CRCP: variants seen among roughly 807,000 people sequenced by gnomAD.
CRCP encodes the protein DNA-directed RNA polymerase III subunit RPC9.
Under a neutral mutation model 18.5 loss-of-function variants are expected in CRCP, and 18 were observed. That is an observed-to-expected ratio of 0.97 (90% confidence interval 0.67 to 1.44). The LOEUF (loss-of-function observed/expected upper bound fraction) is 1.44. Among genes scored for constraint, CRCP ranks in the 40% most tolerant of loss-of-function variants. The pLI is 0.00. For synonymous variants in CRCP, 53 were observed against 62.9 expected (o/e 0.84, Z 0.75); for missense variants, 130 against 176.4 (o/e 0.74, Z 1.49).
chr7:66,152,749 A>C lies in CRCP; in HGVS notation c.*392A>C, dbSNP rs948635302. 1 of 185,710 alleles carries C rather than the reference A, an allele frequency of 5.4e-6. No homozygotes were observed. The highest frequency in any genetic ancestry group is 2.4e-5 in the African/African-American group (1 of 42,256). The allele number at this position is 185,710 out of a possible 1,614,324, so 11.5% of individuals were successfully genotyped here. On this transcript the variant is annotated 3_prime_UTR_variant, in exon 6 of 6. Transcript: ENST00000395326. ...TCCCTGGGAACTTACTAAGGGGCCC[A>C]GAGCACTGTTGGAAGTCTGGTTAGA...
chr7:66,139,473 T>C (rs1232847332), intron 4 of CRCP, among the ~76,000 whole-genome samples: 1 of 152,236 alleles, frequency 6.6e-6, no homozygotes, highest in African/African-American at 2.4e-5. Context: ...CATCTGTTGA[T>C]TATCTTTTCC....
intron 4 of CRCP, among the ~76,000 whole-genome samples, chr7:66,141,020 T>A (rs146895078): frequency 2.3e-3 from 344 of 152,312 alleles, no homozygotes; most frequent in Admixed American, 3.4e-3. Flanking sequence ...GAAGATTTTT[T>A]AAAATCTTTT....
chr7:66,141,684 A>C (rs1408015988), intron 4 of CRCP, among the ~76,000 whole-genome samples: 1 of 152,192 alleles, frequency 6.6e-6, no homozygotes, highest in Non-Finnish European at 1.5e-5. Context: ...TGTCAGATGG[A>C]GTAGGACCGA....
chr7:66,139,566 G>A (rs1028193532), intron 4 of CRCP, among the ~76,000 whole-genome samples: 3 of 152,172 alleles, frequency 2.0e-5, no homozygotes, highest in Non-Finnish European at 2.9e-5. Flanking sequence ...TTTAGACTCT[G>A]GGTCCTGTTA....
chr7:66,115,609 T>C (rs898876481), intron 1 of CRCP, among the ~76,000 whole-genome samples: 1 of 152,168 alleles, frequency 6.6e-6, no homozygotes, highest in African/African-American at 2.4e-5. Context: ...GTCTTTTCCA[T>C]GCTTGCTCGT....
chr7:66,139,586 G>T (rs986590574), intron 4 of CRCP, among the ~76,000 whole-genome samples: 8 of 152,292 alleles, frequency 5.3e-5, no homozygotes, highest in Middle Eastern at 6.8e-3. Flanking sequence ...AAAAGCTTCT[G>T]GTTTGTGTTT....
At chr7:66,125,245 T>A (rs1162957477) in intron 1 of CRCP, among the ~76,000 whole-genome samples, 1 of 149,268 alleles carries the variant, frequency 6.7e-6, no homozygotes, top group Non-Finnish European at 1.5e-5. Flanking sequence ...CTGTCTGGTT[T>A]CACCATATCC....
In CRCP at chr7:66,152,064, G is replaced by A. The variant is rs138076238; in HGVS notation, c.298-144G>A. 3,160 of 821,682 alleles carry A rather than the reference G, an allele frequency of 3.8e-3. 13 individuals carry two copies. The highest frequency in any genetic ancestry group is 4.9e-3 in the Non-Finnish European group (2,586 of 526,266). 50.9% of individuals were successfully genotyped at this position (821,682 alleles called of 1,614,324 possible). ...GTGACTTGGCTCCACCCTTCCGTCT[G>A]TAAGATGGAGAGGACTCACGAGGAC... On this transcript the variant is annotated intron_variant, in intron 5 of 5. Coordinates refer to ENST00000395326, the MANE Select transcript of CRCP (RefSeq NM_014478.5).
chr7:66,133,985 A>C (rs1390680635), intron 3 of CRCP, among the ~76,000 whole-genome samples: 2 of 148,326 alleles, frequency 1.3e-5, no homozygotes, highest in African/African-American at 2.5e-5. Context: ...CAGCCTCCCT[A>C]GTAGCTGGGA....
At position 66,129,119 on chromosome 7, in the gene CRCP, G is replaced by T. The variant is rs551446870; in HGVS notation, c.45+1379G>T. Among the ~76,000 whole-genome samples, 8 of 152,210 alleles carry T rather than the reference G, an allele frequency of 5.3e-5. No individual in the cohort carries two copies. In the South Asian group the frequency reaches 1.7e-3, roughly 32 times the overall value. ...GAGGCCGAGGCGGGCGGATCACGAG[G>T]TCAGGAGATCAAGAACATCCTGGCT... is the stretch of plus-strand genomic sequence containing the variant. On this transcript the variant is annotated intron_variant, in intron 2 of 5. Transcript: ENST00000395326.
intron 5 of CRCP, among the ~76,000 whole-genome samples, chr7:66,150,491 C>G (rs1210936434): frequency 1.3e-5 from 2 of 151,706 alleles, no homozygotes; most frequent in Non-Finnish European, 2.9e-5. Context: ...AGGATCTCCC[C>G]CATCCTGGGA....
At chr7:66,127,136 T>C (rs989659356) in intron 1 of CRCP, among the ~76,000 whole-genome samples, 9 of 152,230 alleles carry the variant, frequency 5.9e-5, no homozygotes, top group African/African-American at 2.2e-4. Flanking sequence ...CTGAAAACAA[T>C]GCTTTCTGAT....
chr7:66,129,546 AC>A (rs1485546300), intron 2 of CRCP, among the ~76,000 whole-genome samples: 1 of 151,676 alleles, frequency 6.6e-6, no homozygotes, highest in African/African-American at 2.4e-5. Context: ...AAAGAAACCT[AC>A]CCCCTTGTGG....
intron 1 of CRCP, chr7:66,120,828 G>C (rs1277074140): frequency 6.6e-6 from 1 of 152,052 alleles, no homozygotes; most frequent in Admixed American, 6.6e-5. Flanking sequence ...GTTCTGCAAG[G>C]CTCTCTGGGA....
At chr7:66,116,331 CA>C (rs1011045258) in intron 1 of CRCP, among the ~76,000 whole-genome samples, 13 of 151,518 alleles carry the variant, frequency 8.6e-5, no homozygotes, top group African/African-American at 3.2e-4. Flanking sequence ...CCTGTCTCTG[CA>C]AAAAATTAAG....
intron 1 of CRCP, 82 bp downstream of exon 1, chr7:66,115,052 G>C: frequency 1.3e-6 from 2 of 1,555,994 alleles, no homozygotes; most frequent in Non-Finnish European, 1.8e-6. Flanking sequence ...AGAGCCGTGG[G>C]GACTGGGCGA....
In CRCP at chr7:66,124,044, C is replaced by CA. The variant is rs57502731; in HGVS notation, c.9-3624dup. 4.4e-3 allele frequency among the ~76,000 whole-genome samples: 60 copies of CA among 13,528 alleles called. 21 individuals are homozygous for CA. Among genetic ancestry groups the CA allele is most frequent in the East Asian group, 0.029 (7 of 238 alleles). The allele number at this position is 13,528 out of a possible 152,430, so 8.9% of individuals were successfully genotyped here. On this transcript the variant is annotated intron_variant, in intron 1 of 5. Coordinates refer to ENST00000395326, the MANE Select transcript of CRCP (RefSeq NM_014478.5). Reference sequence around the variant, plus strand: ...TGGGTGACAGAGTGAGACTCCGTCTCAAAAAAAAAAAAAAAAAAAAAAAAA... The same window carrying CA: ...TGGGTGACAGAGTGAGACTCCGTCTCAAAAAAAAAAAAAAAAAAAAAAAAAA...
At chr7:66,131,558 ACTGC>A (rs1787804623) in intron 3 of CRCP, among the ~76,000 whole-genome samples, 4 of 151,830 alleles carry the variant, frequency 2.6e-5, no homozygotes, top group African/African-American at 7.3e-5. Context: ...GGATCTTCCC[ACTGC>A]AGCGTCCCAA....
intron 1 of CRCP, among the ~76,000 whole-genome samples, chr7:66,117,752 A>G (rs1001986207): frequency 1.3e-5 from 2 of 152,104 alleles, no homozygotes; most frequent in African/African-American, 4.8e-5. Flanking sequence ...GTACTTAGAG[A>G]AAATCTCCAT....
Sources: gnomAD v4.1 joint callset for allele counts (sites outside exome capture counted in the v4.1 genomes callset) on GRCh38, gnomAD v4.1.1 for gene constraint, MANE v1.5 for transcripts, NCBI Gene and HGNC (gene_info 2026-07-23, HGNC 2026-07-21) for gene names.